ARID4B: variants seen among roughly 807,000 people sequenced by gnomAD.
ARID4B encodes the protein AT-rich interactive domain-containing protein 4B.
In ARID4B, 26 loss-of-function variants were observed where a neutral mutation model predicts 147.5. The ratio of observed to expected loss-of-function variants is 0.18; its 90% CI spans 0.13 to 0.24. ARID4B has a LOEUF of 0.24. ARID4B is among the 10% of genes least tolerant of loss of function. ARID4B has a pLI of 1.00. For missense variants in ARID4B, 1,179 were observed against 1,511.5 expected (o/e 0.78, Z 3.65); for synonymous variants, 512 against 507.9 (o/e 1.01, Z -0.11).
intron 19 of ARID4B, among the ~76,000 whole-genome samples, chr1:235,188,697 C>T (rs1664861999): frequency 6.6e-6 from 1 of 152,150 alleles, no homozygotes; most frequent in South Asian, 2.1e-4. Context: ...TCTCTTACCA[C>T]CCTCCAGTCA....
chr1:235,191,341 T>C (rs1361815124), intron 19 of ARID4B, among the ~76,000 whole-genome samples: 2 of 151,914 alleles, frequency 1.3e-5, no homozygotes, highest in African/African-American at 4.8e-5. Context: ...CTCTGCCTCC[T>C]GGGTTCAAGC....
At chr1:235,324,504 G>A (rs1039911909) in intron 2 of ARID4B, among the ~76,000 whole-genome samples, 2 of 152,140 alleles carry the variant, frequency 1.3e-5, no homozygotes, top group African/African-American at 2.4e-5. Context: ...TCAATAAACT[G>A]TCACTTAATA....
At chr1:235,195,309 G>A (rs779290747) in intron 18 of ARID4B, among the ~76,000 whole-genome samples, 9 of 152,046 alleles carry the variant, frequency 5.9e-5, no homozygotes, top group Non-Finnish European at 1.3e-4. Flanking sequence ...AGGATCCTGT[G>A]GGGCTGGGCG....
At chr1:235,314,873 G>T (rs1674320772) in intron 2 of ARID4B, among the ~76,000 whole-genome samples, 1 of 151,902 alleles carries the variant, frequency 6.6e-6, no homozygotes, top group Non-Finnish European at 1.5e-5. Flanking sequence ...TTGCTCAAAG[G>T]TTTTAGTTTA....
chr1:235,257,124 AC>A (rs1376094034), intron 4 of ARID4B, 35 bp downstream of exon 4: 1 of 1,454,904 alleles, frequency 6.9e-7, no homozygotes, highest in East Asian at 2.3e-5. Flanking sequence ...TTTTTCCCAA[AC>A]AACCATTAGA....
Position 235,194,205 on chromosome 1 carries a change from A to C in ARID4B, c.1933T>G (p.Leu645Val), listed in dbSNP as rs768124656. Residue 645 changes from leucine to valine, a missense_variant, in exon 19 of 24, where the codon TTA (leucine) becomes GTA (valine). Coordinates refer to ENST00000264183, the MANE Select transcript of ARID4B (RefSeq NM_016374.6). ...TCATCTTTGTCTTTTTCTTTGTCTA[A>C]TTTATTCTAGGTTAAGAAAAAAAGT... ...IKHRKKIKNKLDKEKDKDEKY... is the reference protein window; with the variant it reads ...IKHRKKIKNKVDKEKDKDEKY... 8.7e-6 allele frequency: 14 copies of C among 1,601,802 alleles called. No homozygotes were observed. The South Asian group carries it at 1.1e-4, about 13-fold the overall frequency.
chr1:235,296,843 A>AAAGGGGGGGGGGGGGAGGGAG (rs1553313967), intron 2 of ARID4B, among the ~76,000 whole-genome samples: 1 of 48,934 alleles, frequency 2.0e-5, no homozygotes, highest in Admixed American at 3.0e-4. Context: ...GGAAGGGAGG[A>AAAGGGGGGGGGGGGGAGGGAG]AGGAGGGAGG....
chr1:235,223,686 T>TTTTTG (rs1491154410), intron 12 of ARID4B, among the ~76,000 whole-genome samples: 3 of 65,830 alleles, frequency 4.6e-5, no homozygotes, highest in African/African-American at 7.8e-5. Flanking sequence ...TAAAGCTACA[T>TTTTTG]TTTTTTTTTT....
intron 16 of ARID4B, among the ~76,000 whole-genome samples, chr1:235,216,707 A>G (rs759491992): frequency 1.3e-5 from 2 of 152,142 alleles, no homozygotes; most frequent in African/African-American, 2.4e-5. Context: ...TAATTTTATT[A>G]AGGCTAAAAT....
intron 2 of ARID4B, among the ~76,000 whole-genome samples, chr1:235,324,531 T>C (rs1271712890): frequency 6.6e-6 from 1 of 152,254 alleles, no homozygotes; most frequent in African/African-American, 2.4e-5. Flanking sequence ...AAAGATTTGT[T>C]GTCGTTAATA....
intron 19 of ARID4B, among the ~76,000 whole-genome samples, chr1:235,184,556 T>C (rs995312315): frequency 6.6e-6 from 1 of 152,194 alleles, no homozygotes; most frequent in South Asian, 2.1e-4. Context: ...GAGAAATCCA[T>C]GCATGTTCTT....
At chr1:235,287,916 G>A (rs969093141) in intron 2 of ARID4B, among the ~76,000 whole-genome samples, 2 of 152,190 alleles carry the variant, frequency 1.3e-5, no homozygotes, top group African/African-American at 4.8e-5. Context: ...TGCCTTTACA[G>A]GGACCTATGT....
At chr1:235,287,237 C>T (rs968870577) in intron 2 of ARID4B, among the ~76,000 whole-genome samples, 18 of 152,032 alleles carry the variant, frequency 1.2e-4, no homozygotes, top group African/African-American at 4.1e-4. Context: ...CCAGCCTGGA[C>T]GACAGAGTAA....
At chr1:235,265,698 A>G (rs1670560181) in intron 2 of ARID4B, among the ~76,000 whole-genome samples, 2 of 44,250 alleles carry the variant, frequency 4.5e-5, no homozygotes, top group African/African-American at 1.7e-4. Flanking sequence ...CCTTGTCTCA[A>G]AAAAAAAAGA....
In ARID4B at chr1:235,196,806, C is replaced by T. The variant is rs1367403026; in HGVS notation, c.1842-691G>A. Among the ~76,000 whole-genome samples the T allele has an allele frequency of 3.4e-5, 5 of 146,282 alleles. No individual in the cohort carries two copies. The Middle Eastern group carries it at 0.01, about 303-fold the overall frequency. ...AGCGGAGCTTGCAGTGAGCTGAGATCGCGCCACTGCACTCCAGCCTGGGCG... is the reference window on the plus strand; with the variant it reads ...AGCGGAGCTTGCAGTGAGCTGAGATTGCGCCACTGCACTCCAGCCTGGGCG... On this transcript the variant is annotated intron_variant, in intron 17 of 23. Coordinates refer to ENST00000264183, the MANE Select transcript of ARID4B (RefSeq NM_016374.6).
chr1:235,180,257 C>A (rs1176360792), intron 20 of ARID4B: 1 of 149,914 alleles, frequency 6.7e-6, no homozygotes, highest in African/African-American at 2.5e-5. Flanking sequence ...CCTCATCAGC[C>A]CCCAAGGTAG....
At chr1:235,311,098 T>A (rs1674016034) in intron 2 of ARID4B, among the ~76,000 whole-genome samples, 1 of 152,080 alleles carries the variant, frequency 6.6e-6, no homozygotes. Context: ...TTAGTAACAA[T>A]GTCATGCAAT....
At chr1:235,285,056 G>A (rs1156957690) in intron 2 of ARID4B, among the ~76,000 whole-genome samples, 1 of 151,970 alleles carries the variant, frequency 6.6e-6, no homozygotes, top group East Asian at 1.9e-4. Flanking sequence ...GGGACCTACA[G>A]GTGCAGACCA....
chr1:235,181,361 A>C (rs937132478), intron 20 of ARID4B: 92 of 690,958 alleles, frequency 1.3e-4, no homozygotes, highest in Admixed American at 2.1e-4. Context: ...GGTCCACAAT[A>C]AAATGCCATG....
Sources: allele counts gnomAD v4.1 joint callset (sites outside exome capture counted in the v4.1 genomes callset), GRCh38; gene constraint gnomAD v4.1.1; transcripts MANE v1.5; gene names NCBI Gene and HGNC (gene_info 2026-07-23, HGNC 2026-07-21).